The following ZNF891 variants were observed in gnomAD, a reference collection of about 807,000 sequenced individuals.
ZNF891 encodes the protein hCG1646157.
For synonymous variants in ZNF891, 199 were observed against 209.0 expected (o/e 0.95, Z 0.41); for missense variants, 589 against 632.7 (o/e 0.93, Z 0.74).
In ZNF891 at chr12:133,106,479, T is replaced by G. The variant is rs756172764; in HGVS notation, c.*13805A>C. 2 of 1,614,164 alleles carry G rather than the reference T, an allele frequency of 1.2e-6. No individual in the cohort carries two copies. Among genetic ancestry groups the G allele is most frequent in the Non-Finnish European group, 1.7e-6 (2 of 1,180,004 alleles). ...GCCTTCAGCCGGAGCTTTTCCCTCA[T>G]TCTACATCAGAGAACTCATACTGGA... On this transcript the variant is annotated 3_prime_UTR_variant, in exon 2 of 2. Transcript: ENST00000537226.
At position 133,120,925 on chromosome 12, in the gene ZNF891, TC is replaced by T. The variant is rs1255690274; in HGVS notation, c.993del (p.Ile332PhefsTer32). The T allele has an allele frequency of 2.6e-6, 4 of 1,536,728 alleles. No homozygotes were observed. The African/African-American group carries it at 5.5e-5, about 21-fold the overall frequency. Reference sequence around the variant, plus strand: ...TTCTTGTATAAAGTAAGATTAGAAATCCTTTTGAAGGCTTTTCCACATTGAT... The same window carrying T: ...TTCTTGTATAAAGTAAGATTAGAAATCTTTTGAAGGCTTTTCCACATTGAT... Reference protein sequence around the residue: ...ECNQCGKAFKRISNLTLYKKS... With the variant: ...ECNQCGKAFKXISNLTLYKKS... On this transcript the variant is annotated frameshift_variant, in exon 2 of 2. Coordinates refer to ENST00000537226, the MANE Select transcript of ZNF891 (RefSeq NM_001277291.2). LOFTEE classifies it low-confidence loss of function (END_TRUNC).
chr12:133,106,089 A>T lies in ZNF891; in HGVS notation c.*14195T>A. The T allele has an allele frequency of 6.2e-7, 1 of 1,614,136 alleles. No homozygotes were observed. The highest frequency in any genetic ancestry group is 8.5e-7 in the Non-Finnish European group (1 of 1,180,014). On this transcript the variant is annotated 3_prime_UTR_variant, in exon 2 of 2. Coordinates refer to ENST00000537226, the MANE Select transcript of ZNF891 (RefSeq NM_001277291.2). The stretch of plus-strand genomic sequence containing the variant: ...CATCAAAGAATTCACATAGGAAAGA[A>T]ACAATATATATGTAGGAAATGTGGT...
rs140831520 is a variant in ZNF891, at chr12:133,110,195, C to T, written c.*10089G>A. 141 of 152,260 alleles carry T rather than the reference C, an allele frequency of 9.3e-4. No homozygotes were observed. The highest frequency in any genetic ancestry group is 3.3e-3 in the African/African-American group (138 of 41,542). 9.4% of individuals were successfully genotyped at this position (152,260 alleles called of 1,614,324 possible). On this transcript the variant is annotated 3_prime_UTR_variant, in exon 2 of 2. Transcript: ENST00000537226. ...AATATCTGGTGGATTATAAAATACA[C>T]CGAAGTAAATAGCACGACAATAGCA...
rs12322454 is a variant in ZNF891, at chr12:133,119,787, A to T, written c.*497T>A. On this transcript the variant is annotated 3_prime_UTR_variant, in exon 2 of 2. Coordinates refer to ENST00000537226, the MANE Select transcript of ZNF891 (RefSeq NM_001277291.2). ...GTAGAGGACAAGATAGATAGTTCTGATCCCAGTGATATGTCTATTTTTGAA... is the reference window on the plus strand; with the variant it reads ...GTAGAGGACAAGATAGATAGTTCTGTTCCCAGTGATATGTCTATTTTTGAA... The T allele has an allele frequency of 0.33, 51,050 of 155,100 alleles. 8,970 individuals carry two copies. Among genetic ancestry groups the T allele is most frequent in the African/African-American group, 0.45 (18,629 of 41,492 alleles). 9.6% of individuals were successfully genotyped at this position (155,100 alleles called of 1,614,324 possible).
chr12:133,105,499 G>A lies in ZNF891; in HGVS notation c.*14785C>T. ...AAAAGAAACATTCACTTTTTTTTTGGTATCTTTCAGTTTCAGAGTCAAGTG... is the reference window on the plus strand; with the variant it reads ...AAAAGAAACATTCACTTTTTTTTTGATATCTTTCAGTTTCAGAGTCAAGTG... On this transcript the variant is annotated 3_prime_UTR_variant, in exon 2 of 2. Coordinates refer to ENST00000537226, the MANE Select transcript of ZNF891 (RefSeq NM_001277291.2). 1.3e-6 allele frequency: 2 copies of A among 1,557,806 alleles called. No homozygotes were observed. The highest frequency in any genetic ancestry group is 1.7e-6 in the Non-Finnish European group (2 of 1,156,620).
intron 1 of ZNF891, among the ~76,000 whole-genome samples, chr12:133,126,882 C>T (rs981115525): frequency 1.3e-5 from 2 of 151,238 alleles, no homozygotes; most frequent in Non-Finnish European, 1.5e-5. Context: ...AAAAAAAGAC[C>T]ACTATATGAG....
At position 133,115,224 on chromosome 12, in the gene ZNF891, T is replaced by A. The variant is rs550343742; in HGVS notation, c.*5060A>T. On this transcript the variant is annotated 3_prime_UTR_variant, in exon 2 of 2. Coordinates refer to ENST00000537226, the MANE Select transcript of ZNF891 (RefSeq NM_001277291.2). Reference sequence around the variant, plus strand: ...GCCTGACCAACATGGAGAAACCCTGTCTCTACTAAAAATACAAAATTAGCC... The same window carrying A: ...GCCTGACCAACATGGAGAAACCCTGACTCTACTAAAAATACAAAATTAGCC... 1 of 151,700 alleles carries A rather than the reference T, an allele frequency of 6.6e-6. No homozygotes were observed. The highest frequency in any genetic ancestry group is 6.6e-5 in the Admixed American group (1 of 15,234). The allele number at this position is 151,700 out of a possible 1,614,324, so 9.4% of individuals were successfully genotyped here. A position where few individuals can be genotyped will look rare whatever the true frequency, so the allele number is the denominator to read the frequency against.
rs376403600 is a variant in ZNF891 at position 133,105,975 on chromosome 12, T to C, written c.*14309A>G. The stretch of plus-strand genomic sequence containing the variant: ...ACATTCAGTTACCTTTCATTTCTTA[T>C]TGAACACCAGAGAACGCACACTGGG... On this transcript the variant is annotated 3_prime_UTR_variant, in exon 2 of 2. Coordinates refer to ENST00000537226, the MANE Select transcript of ZNF891 (RefSeq NM_001277291.2). 9.9e-6 allele frequency: 16 copies of C among 1,614,012 alleles called. No individual in the cohort carries two copies. Among genetic ancestry groups the C allele is most frequent in the Non-Finnish European group, 1.4e-5 (16 of 1,180,044 alleles).
Position 133,107,250 on chromosome 12 carries a change from A to C in ZNF891, c.*13034T>G, listed in dbSNP as rs1262308320. 1.3e-5 allele frequency: 2 copies of C among 152,232 alleles called. No individual in the cohort carries two copies. The highest frequency in any genetic ancestry group is 3.9e-4 in the East Asian group (2 of 5,194). The allele number at this position is 152,232 out of a possible 1,614,324, so 9.4% of individuals were successfully genotyped here. A position where few individuals can be genotyped will look rare whatever the true frequency, so the allele number is the denominator to read the frequency against. On this transcript the variant is annotated 3_prime_UTR_variant, in exon 2 of 2. Transcript: ENST00000537226. ...CAATATTTCAAACCTATATCAGAGAATTACACTGTGGGAAAACTACCATTG... is the reference window on the plus strand; with the variant it reads ...CAATATTTCAAACCTATATCAGAGACTTACACTGTGGGAAAACTACCATTG...
rs1241847327 is a variant in ZNF891, at chr12:133,105,497, T to G, written c.*14787A>C. 3.2e-6 allele frequency: 5 copies of G among 1,563,104 alleles called. No homozygotes were observed. The highest frequency in any genetic ancestry group is 1.4e-5 in the African/African-American group (1 of 72,480). The stretch of plus-strand genomic sequence containing the variant: ...GAAAAAGAAACATTCACTTTTTTTT[T>G]GGTATCTTTCAGTTTCAGAGTCAAG... On this transcript the variant is annotated 3_prime_UTR_variant, in exon 2 of 2. Transcript: ENST00000537226.
Position 133,106,799 on chromosome 12 carries a change from GAA to G in ZNF891, c.*13483_*13484del, listed in dbSNP as rs201813395. 1 of 614,784 alleles carries G rather than the reference GAA, an allele frequency of 1.6e-6. No individual in the cohort carries two copies. Among genetic ancestry groups the G allele is most frequent in the Non-Finnish European group, 2.5e-6 (1 of 406,582 alleles). 38.1% of individuals were successfully genotyped at this position (614,784 alleles called of 1,614,324 possible). ...CCCACACTTTATTCACCACCCTGGA[GAA>G]AAAAAAACCCAGGAATATGTGGAAA... is the stretch of plus-strand genomic sequence containing the variant. On this transcript the variant is annotated 3_prime_UTR_variant, in exon 2 of 2. Coordinates refer to ENST00000537226, the MANE Select transcript of ZNF891 (RefSeq NM_001277291.2).
At chr12:133,129,960 C>A (rs1014998102) in intron 1 of ZNF891, among the ~76,000 whole-genome samples, 3 of 152,206 alleles carry the variant, frequency 2.0e-5, no homozygotes, top group African/African-American at 7.2e-5. Context: ...CCCCGGCCCC[C>A]CAGCGCTCCC....
In ZNF891 at chr12:133,115,928, G is replaced by A. The variant is rs1196087177; in HGVS notation, c.*4356C>T. 5 of 152,150 alleles carry A rather than the reference G, an allele frequency of 3.3e-5. No homozygotes were observed. The highest frequency in any genetic ancestry group is 4.1e-4 in the South Asian group (2 of 4,824). The allele number at this position is 152,150 out of a possible 1,614,324, so 9.4% of individuals were successfully genotyped here. ...GAGCATTTCTTTTGAAAGTCACATC[G>A]GCGCACAAGGTTTCAGGTTTTGGAG... On this transcript the variant is annotated 3_prime_UTR_variant, in exon 2 of 2. Transcript: ENST00000537226.
In ZNF891 at chr12:133,113,375, T is replaced by A. The variant is rs917444034; in HGVS notation, c.*6909A>T. On this transcript the variant is annotated 3_prime_UTR_variant, in exon 2 of 2. Coordinates refer to ENST00000537226, the MANE Select transcript of ZNF891 (RefSeq NM_001277291.2). ...ATAACCATTGATAAAACTTTGGTGT[T>A]ATGTCTTTCCATATTTTCAATGCAC... 1 of 152,110 alleles carries A rather than the reference T, an allele frequency of 6.6e-6. No homozygotes were observed. The highest frequency in any genetic ancestry group is 1.5e-5 in the Non-Finnish European group (1 of 67,992). The allele number at this position is 152,110 out of a possible 1,614,324, so 9.4% of individuals were successfully genotyped here. A position where few individuals can be genotyped will look rare whatever the true frequency, so the allele number is the denominator to read the frequency against.
At position 133,109,346 on chromosome 12, in the gene ZNF891, A is replaced by G. The variant is rs1481939630; in HGVS notation, c.*10938T>C. ...GATCTTGGCATGGGAGGGGTTGGGTAAAATCTGCACAAGAGTCCAAGGGAT... is the reference window on the plus strand; with the variant it reads ...GATCTTGGCATGGGAGGGGTTGGGTGAAATCTGCACAAGAGTCCAAGGGAT... On this transcript the variant is annotated 3_prime_UTR_variant, in exon 2 of 2. Coordinates refer to ENST00000537226, the MANE Select transcript of ZNF891 (RefSeq NM_001277291.2). The G allele has an allele frequency of 1.3e-5, 2 of 152,226 alleles. No individual in the cohort carries two copies. Among genetic ancestry groups the G allele is most frequent in the Non-Finnish European group, 2.9e-5 (2 of 68,042 alleles). 9.4% of individuals were successfully genotyped at this position (152,226 alleles called of 1,614,324 possible).
rs1481497936 is a variant in ZNF891, at chr12:133,106,022, G to T, written c.*14262C>A. 1.2e-6 allele frequency: 2 copies of T among 1,614,010 alleles called. No individual in the cohort carries two copies. Among genetic ancestry groups the T allele is most frequent in the South Asian group, 1.1e-5 (1 of 91,030 alleles). On this transcript the variant is annotated 3_prime_UTR_variant, in exon 2 of 2. Transcript: ENST00000537226. ...TGGGGAGAAACCTTATGAATGTACTGAGTGTGGAAAGGCCTTTAGCCGTGC... is the reference window on the plus strand; with the variant it reads ...TGGGGAGAAACCTTATGAATGTACTTAGTGTGGAAAGGCCTTTAGCCGTGC...
At chr12:133,127,713 T>C (rs1190499699) in intron 1 of ZNF891, among the ~76,000 whole-genome samples, 3 of 152,204 alleles carry the variant, frequency 2.0e-5, no homozygotes, top group Non-Finnish European at 2.9e-5. Context: ...AGGAAATTGA[T>C]GAGGGCAAAA....
rs201813395 is a variant in ZNF891 at position 133,106,799 on chromosome 12, G to GA, written c.*13484dup. 3.0e-3 allele frequency: 1,821 copies of GA among 614,972 alleles called. No homozygotes were observed. Among genetic ancestry groups the GA allele is most frequent in the East Asian group, 5.1e-3 (153 of 29,920 alleles). The allele number at this position is 614,972 out of a possible 1,614,324, so 38.1% of individuals were successfully genotyped here. A position where few individuals can be genotyped will look rare whatever the true frequency, so the allele number is the denominator to read the frequency against. On this transcript the variant is annotated 3_prime_UTR_variant, in exon 2 of 2. Transcript: ENST00000537226. ...CCCACACTTTATTCACCACCCTGGA[G>GA]AAAAAAAAACCCAGGAATATGTGGA...
At chr12:133,128,197 G>A (rs1955835120) in intron 1 of ZNF891, among the ~76,000 whole-genome samples, 1 of 152,186 alleles carries the variant, frequency 6.6e-6, no homozygotes, top group African/African-American at 2.4e-5. Context: ...ATATTTCCAA[G>A]TGGTTGCCAC....
Sources: allele counts gnomAD v4.1 joint callset (sites outside exome capture counted in the v4.1 genomes callset), GRCh38; gene constraint gnomAD v4.1.1; transcripts MANE v1.5; gene names NCBI Gene and HGNC (gene_info 2026-07-23, HGNC 2026-07-21).